FOXN3: variants seen among roughly 807,000 people sequenced by gnomAD.
FOXN3 encodes forkhead box protein N3.
Under a neutral mutation model 38.4 loss-of-function variants are expected in FOXN3, and 7 were observed. The ratio of observed to expected loss-of-function variants is 0.18; its 90% CI spans 0.10 to 0.34. FOXN3 has a LOEUF of 0.34. Ranked by LOEUF, FOXN3 falls within the 10% of genes least tolerant of loss-of-function variation. The probability of loss-of-function intolerance (pLI) is 1.00; values close to 1 mark genes in which losing one functional copy is unlikely to be tolerated. For synonymous variants in FOXN3, 230 were observed against 242.2 expected, an observed-to-expected ratio of 0.95 and a Z score of 0.47; for missense variants, 456 against 613.4, an observed-to-expected ratio of 0.74 and a Z score of 2.71.
intron 2 of FOXN3, among the ~76,000 whole-genome samples, chr14:89,379,177 T>C (rs746664688): frequency 1.3e-5 from 2 of 152,186 alleles, no homozygotes. Context: ...ATGCAGCTAC[T>C]GGTCTGGCTG....
At chr14:89,275,277 C>T (rs902504947) in intron 4 of FOXN3, among the ~76,000 whole-genome samples, 2 of 152,192 alleles carry the variant, frequency 1.3e-5, no homozygotes, top group African/African-American at 2.4e-5. Flanking sequence ...CCTCTCCTTG[C>T]ACCCGCAGCA....
At chr14:89,421,338 G>A (rs1226268533), upstream of FOXN3, among the ~76,000 whole-genome samples, 6 of 151,354 alleles carry the variant, frequency 4.0e-5, no homozygotes, top group Non-Finnish European at 8.8e-5. Flanking sequence ...TATAGAGACG[G>A]GGTTTCTCCA....
chr14:89,278,090 G>A (rs573589162), intron 4 of FOXN3, among the ~76,000 whole-genome samples: 4 of 152,122 alleles, frequency 2.6e-5, no homozygotes, highest in South Asian at 2.1e-4. Context: ...CCATTTTCAC[G>A]CTGCTGATAA....
At chr14:89,318,112 T>C (rs1887779239) in intron 3 of FOXN3, among the ~76,000 whole-genome samples, 1 of 151,620 alleles carries the variant, frequency 6.6e-6, no homozygotes, top group Non-Finnish European at 1.5e-5. Context: ...AACTATGTTT[T>C]AATCTTCCCT....
chr14:89,505,108 G>C (rs989087575), intron 1 of FOXN3, among the ~76,000 whole-genome samples: 1 of 152,180 alleles, frequency 6.6e-6, no homozygotes, highest in African/African-American at 2.4e-5. Flanking sequence ...AGTTATGATG[G>C]TCAAATCTTA....
intron 1 of FOXN3, among the ~76,000 whole-genome samples, chr14:89,507,243 A>G (rs997575562): frequency 2.6e-5 from 4 of 152,248 alleles, no homozygotes; most frequent in Non-Finnish European, 4.4e-5. Context: ...CTAACAGCAT[A>G]ATGGCAGAGA....
intron 1 of FOXN3, among the ~76,000 whole-genome samples, chr14:89,534,655 G>A (rs544129804): frequency 5.5e-4 from 84 of 152,224 alleles, no homozygotes; most frequent in African/African-American, 2.0e-3. Context: ...AGACTCCCCT[G>A]GGGAACCTGT....
chr14:89,528,913 G>A (rs1469702666), intron 1 of FOXN3, among the ~76,000 whole-genome samples: 1 of 152,122 alleles, frequency 6.6e-6, no homozygotes, highest in African/African-American at 2.4e-5. Context: ...AGCTTTTGCG[G>A]ATGATAAGTA....
intron 1 of FOXN3, among the ~76,000 whole-genome samples, chr14:89,613,116 CAAAAAAAAA>C (rs10581958): frequency 5.4e-5 from 4 of 74,592 alleles, no homozygotes; most frequent in African/African-American, 2.0e-4. Context: ...GACTCTGTCT[CAAAAAAAAA>C]AAAAAAAAAA....
At chr14:89,294,844 GCTCTATATATGAAGTAGCCAT>G in intron 3 of FOXN3, among the ~76,000 whole-genome samples, 2 of 152,142 alleles carry the variant, frequency 1.3e-5, no homozygotes, top group Admixed American at 1.3e-4. Flanking sequence ...CCTCCGGACT[GCTCTATATATGAAGTAGCCAT>G]CATTTTGTTC....
At chr14:89,533,547 G>A (rs1894618429) in intron 1 of FOXN3, among the ~76,000 whole-genome samples, 1 of 151,592 alleles carries the variant, frequency 6.6e-6, no homozygotes, top group African/African-American at 2.4e-5. Context: ...CCTGTAGCCC[G>A]GCCACTCGGG....
At chr14:89,188,598 G>A (rs1162156605) in intron 4 of FOXN3, among the ~76,000 whole-genome samples, 1 of 152,198 alleles carries the variant, frequency 6.6e-6, no homozygotes, top group Non-Finnish European at 1.5e-5. Context: ...TCTAGCAGAA[G>A]GTCATGGTCC....
At chr14:89,347,279 G>C (rs1237459526) in intron 3 of FOXN3, among the ~76,000 whole-genome samples, 2 of 152,164 alleles carry the variant, frequency 1.3e-5, no homozygotes, top group African/African-American at 4.8e-5. Context: ...TTACAAGAAG[G>C]GAAAATTTGG....
intron 1 of FOXN3, among the ~76,000 whole-genome samples, chr14:89,528,709 A>G (rs1321695609): frequency 6.6e-6 from 1 of 152,046 alleles, no homozygotes; most frequent in East Asian, 1.9e-4. Context: ...TTAATCTTAA[A>G]ATAAGTATGC....
At chr14:89,334,245 G>T (rs1367846277) in intron 3 of FOXN3, among the ~76,000 whole-genome samples, 1 of 151,948 alleles carries the variant, frequency 6.6e-6, no homozygotes. Flanking sequence ...CCAGGGGTTG[G>T]GGTTGGGGAG....
intron 2 of FOXN3, among the ~76,000 whole-genome samples, chr14:89,359,804 C>T (rs921859495): frequency 2.0e-4 from 30 of 152,216 alleles, no homozygotes; most frequent in Non-Finnish European, 3.5e-4. Context: ...GGGCAACAGC[C>T]TGACTTAGAG....
intron 1 of FOXN3, among the ~76,000 whole-genome samples, chr14:89,456,894 G>A (rs557583321): frequency 6.6e-6 from 1 of 152,226 alleles, no homozygotes; most frequent in Non-Finnish European, 1.5e-5. Flanking sequence ...CAGGTCCTTT[G>A]TCTGTGAAGG....
At chr14:89,344,035 TACAGGCGTG>T (rs1160980532) in intron 3 of FOXN3, among the ~76,000 whole-genome samples, 1 of 152,202 alleles carries the variant, frequency 6.6e-6, no homozygotes, top group Non-Finnish European at 1.5e-5. Context: ...GTGCTGGGAT[TACAGGCGTG>T]AGCCACCGCA....
At chr14:89,341,468 A>G (rs1300110744) in intron 3 of FOXN3, among the ~76,000 whole-genome samples, 2 of 152,050 alleles carry the variant, frequency 1.3e-5, no homozygotes, top group African/African-American at 4.8e-5. Context: ...CCCCCATTCT[A>G]TGTTCTTCAA....
Sources: allele counts gnomAD v4.1 joint callset (sites outside exome capture counted in the v4.1 genomes callset), GRCh38; gene constraint gnomAD v4.1.1; transcripts MANE v1.5; gene names NCBI Gene and HGNC (gene_info 2026-07-23, HGNC 2026-07-21).